PLEKHG5: variants seen among roughly 807,000 people sequenced by gnomAD.
The protein encoded by PLEKHG5 is pleckstrin homology domain-containing family G member 5.
Under a neutral mutation model 103.8 loss-of-function variants are expected in PLEKHG5, and 52 were observed. The observed-to-expected ratio is 0.50, with a 90% CI of 0.40 to 0.63. PLEKHG5 has a LOEUF of 0.63. Among genes scored for constraint, PLEKHG5 ranks in the 30% least tolerant of loss-of-function variants. PLEKHG5 has a pLI of 0.00. For missense variants in PLEKHG5, 1,205 were observed against 1,347.6 expected (o/e 0.89, Z 1.66); for synonymous variants, 592 against 575.5 (o/e 1.03, Z -0.41).
intron 1 of PLEKHG5, among the ~76,000 whole-genome samples, chr1:6,484,830 C>T (rs1209081939): frequency 6.6e-6 from 1 of 152,122 alleles, no homozygotes; most frequent in Admixed American, 6.5e-5. Flanking sequence ...CCAGCTCCCA[C>T]CCCCTCTAAC....
Position 6,471,106 on chromosome 1 carries a change from C to G in PLEKHG5, c.1282-6G>C. 6.4e-7 allele frequency: 1 copy of G among 1,572,188 alleles called. No homozygotes were observed. Among genetic ancestry groups the G allele is most frequent in the Non-Finnish European group, 8.6e-7 (1 of 1,159,708 alleles). On this transcript the variant is annotated splice_region_variant and splice_polypyrimidine_tract_variant and intron_variant, in intron 12 of 20. Transcript: ENST00000377728. ...GGCTTGAAGAGCGAGCCGAACTGGCCCGGGGCAGAACAACCACGGCGCCGG... is the reference window on the plus strand; with the variant it reads ...GGCTTGAAGAGCGAGCCGAACTGGCGCGGGGCAGAACAACCACGGCGCCGG...
intron 1 of PLEKHG5, chr1:6,485,321 T>A: frequency 7.1e-7 from 1 of 1,410,104 alleles, no homozygotes; most frequent in South Asian, 1.5e-5. Flanking sequence ...CCCGGCCCCG[T>A]ACCTGGCTAT....
rs774845320 is a variant in PLEKHG5 at position 6,473,391 on chromosome 1, C to T, written c.655G>A (p.Glu219Lys). ...FLGEASIPGQEPPTPSSCSLP... is the reference protein window; with the variant it reads ...FLGEASIPGQKPPTPSSCSLP... Reference sequence around the variant, plus strand: ...GAGCAGCTGGAGGGCGTGGGGGGCTCCTGCCCGGGGATGCTCGCCTCCCCC... The same window carrying T: ...GAGCAGCTGGAGGGCGTGGGGGGCTTCTGCCCGGGGATGCTCGCCTCCCCC... Residue 219 changes from glutamate (E) to lysine (K), a missense_variant, in exon 8 of 21, where the codon GAG (glutamate) becomes AAG (lysine). Glu to Lys is a moderately conservative substitution (Grantham distance 56). Transcript: ENST00000377728. 4.2e-5 allele frequency: 65 copies of T among 1,546,518 alleles called. No individual in the cohort carries two copies. The highest frequency in any genetic ancestry group is 5.0e-5 in the Non-Finnish European group (57 of 1,145,210).
At chr1:6,481,386 C>T (rs1644893020) in intron 1 of PLEKHG5, among the ~76,000 whole-genome samples, 2 of 152,018 alleles carry the variant, frequency 1.3e-5, no homozygotes, top group African/African-American at 4.8e-5. Flanking sequence ...ACAAAATTAG[C>T]TGGGCATGGT....
At chr1:6,472,951 G>C in intron 9 of PLEKHG5, 35 bp downstream of exon 9, 1 of 1,596,474 alleles carries the variant, frequency 6.3e-7, no homozygotes, top group Non-Finnish European at 8.6e-7. Context: ...CTCCTTTCGG[G>C]ACAAGGAGGG....
chr1:6,470,112 C>G, intron 16 of PLEKHG5, 124 bp downstream of exon 16: 2 of 1,096,868 alleles, frequency 1.8e-6, no homozygotes, highest in Non-Finnish European at 2.7e-6. Context: ...CTGTCATTCA[C>G]TATGACAAGG....
At position 6,490,919 on chromosome 1, in the gene PLEKHG5, G is replaced by A. The variant is rs1325257425; in HGVS notation, c.-88+718C>T. On this transcript the variant is annotated intron_variant, in intron 1 of 20. Coordinates refer to ENST00000377728, the MANE Select transcript of PLEKHG5 (RefSeq NM_020631.6). This position sits in a 1 kb window ranked among gnomAD's most constrained non-coding sequence, Gnocchi z 8.0. Reference sequence around the variant, plus strand: ...TAGGGGGGACCAGGGCCCGCGACAGGAAGCCTCCGCGCGACAGAAAAGCCC... The same window carrying A: ...TAGGGGGGACCAGGGCCCGCGACAGAAAGCCTCCGCGCGACAGAAAAGCCC... 6.6e-6 allele frequency among the ~76,000 whole-genome samples: 1 copy of A among 152,174 alleles called. No homozygotes were observed. The highest frequency in any genetic ancestry group is 2.1e-4 in the South Asian group (1 of 4,828).
chr1:6,494,632 G>A (rs908013252), upstream of PLEKHG5, among the ~76,000 whole-genome samples: 6 of 152,164 alleles, frequency 3.9e-5, no homozygotes, highest in South Asian at 2.1e-4. Flanking sequence ...TGAGTGCCCC[G>A]CACCTCCTCT....
Position 6,467,743 on chromosome 1 carries a change from C to A in PLEKHG5, c.3011+82G>T. 1.9e-6 allele frequency: 3 copies of A among 1,556,886 alleles called. No homozygotes were observed. The South Asian group carries it at 3.4e-5, about 17-fold the overall frequency. On this transcript the variant is annotated intron_variant, in intron 20 of 20. Transcript: ENST00000377728. ...AGGCTCCCTCCGCCATGACCCTCCC[C>A]AAATGCGATGCTCCCAGGCATGAGT...
At chr1:6,480,158 G>A (rs1644862887) in intron 1 of PLEKHG5, among the ~76,000 whole-genome samples, 1 of 152,038 alleles carries the variant, frequency 6.6e-6, no homozygotes, top group Non-Finnish European at 1.5e-5. Context: ...TTGTTCCCCA[G>A]TAATCTCACT....
upstream of PLEKHG5, among the ~76,000 whole-genome samples, chr1:6,498,600 T>C (rs1048877127): frequency 6.6e-6 from 1 of 152,150 alleles, no homozygotes; most frequent in African/African-American, 2.4e-5. Flanking sequence ...GGGTAGCCCT[T>C]TGGGGGGCAG....
In PLEKHG5 at chr1:6,490,531, G is replaced by A; in HGVS notation, c.-88+1106C>T. On this transcript the variant is annotated intron_variant, in intron 1 of 20. Coordinates refer to ENST00000377728, the MANE Select transcript of PLEKHG5 (RefSeq NM_020631.6). This position sits in a 1 kb window ranked among gnomAD's most constrained non-coding sequence, Gnocchi z 8.0. ...GCCAAAGCCTCATGGGGCGCGCGGG[G>A]AGAGGGGGACGGGAGCCGCGGGACG... The A allele has an allele frequency of 1.0e-6, 1 of 985,344 alleles. No homozygotes were observed. Among genetic ancestry groups the A allele is most frequent in the Non-Finnish European group, 1.2e-6 (1 of 829,836 alleles). 61.0% of individuals were successfully genotyped at this position (985,344 alleles called of 1,614,324 possible). A position where few individuals can be genotyped will look rare whatever the true frequency, so the allele number is the denominator to read the frequency against.
chr1:6,499,436 C>A (rs966350162), upstream of PLEKHG5, among the ~76,000 whole-genome samples: 4 of 152,230 alleles, frequency 2.6e-5, no homozygotes, highest in African/African-American at 7.2e-5. Context: ...CTCACCCTGC[C>A]TTCTAGACCC....
intron 1 of PLEKHG5, among the ~76,000 whole-genome samples, chr1:6,480,380 A>C (rs1644868185): frequency 6.6e-6 from 1 of 151,896 alleles, no homozygotes; most frequent in Admixed American, 6.6e-5. Context: ...ATACAAAAAA[A>C]TTAGCCAGTC....
chr1:6,472,749 G>T (rs2148587531), intron 9 of PLEKHG5, 127 bp from the exon 10 acceptor site: 3 of 786,698 alleles, frequency 3.8e-6, no homozygotes, highest in South Asian at 2.9e-5. Context: ...GAGGAGCAGG[G>T]TCACCCTTGA....
intron 1 of PLEKHG5, among the ~76,000 whole-genome samples, chr1:6,488,214 A>G (rs557542668): frequency 7.9e-5 from 12 of 152,324 alleles, no homozygotes; most frequent in African/African-American, 2.9e-4. Flanking sequence ...AGTGAATCCC[A>G]TTCGCTCTTC....
intron 1 of PLEKHG5, among the ~76,000 whole-genome samples, chr1:6,512,897 TG>T (rs35777255): frequency 2.6e-5 from 4 of 152,012 alleles, no homozygotes; most frequent in African/African-American, 9.7e-5. Flanking sequence ...AGGGTGGCCA[TG>T]GGGGGGTGAA....
intron 1 of PLEKHG5, among the ~76,000 whole-genome samples, chr1:6,482,255 C>T (rs1191356822): frequency 3.3e-5 from 5 of 152,180 alleles, no homozygotes; most frequent in Admixed American, 3.3e-4. Context: ...CTGCTGCCTC[C>T]ACACCTGGTC....
At chr1:6,507,996 G>C (rs1326680261) in intron 1 of PLEKHG5, among the ~76,000 whole-genome samples, 1 of 152,200 alleles carries the variant, frequency 6.6e-6, no homozygotes, top group Non-Finnish European at 1.5e-5. Flanking sequence ...GCCAGGGCCA[G>C]TGGGGTGGGT....
Sources: gnomAD v4.1 joint callset for allele counts (sites outside exome capture counted in the v4.1 genomes callset) on GRCh38, gnomAD v4.1.1 for gene constraint, Gnocchi (gnomAD v3.1) non-coding constraint, MANE v1.5 for transcripts, NCBI Gene and HGNC (gene_info 2026-07-23, HGNC 2026-07-21) for gene names.